LMNB1: variants seen among roughly 807,000 people sequenced by gnomAD.
LMNB1 encodes lamin B1, also known as lamin-B1.
A neutral mutation model predicts 67.1 loss-of-function variants in LMNB1; 23 were observed. That is an observed-to-expected ratio of 0.34 (90% CI 0.25 to 0.49). LMNB1 has a LOEUF of 0.49. Among genes scored for constraint, LMNB1 ranks in the 20% least tolerant of loss-of-function variants. The pLI is 0.99. For missense variants in LMNB1, 634 were observed against 746.5 expected, an observed-to-expected ratio of 0.85 and a Z score of 1.76; for synonymous variants, 281 against 282.9, an observed-to-expected ratio of 0.99 and a Z score of 0.07.
intron 1 of LMNB1, among the ~76,000 whole-genome samples, chr5:126,778,915 C>T (rs1198949018): frequency 1.3e-5 from 2 of 152,186 alleles, no homozygotes; most frequent in African/African-American, 2.4e-5. Context: ...GATACATTTG[C>T]AGACCTTTGC....
At chr5:126,803,576 T>A (rs996077662) in intron 1 of LMNB1, among the ~76,000 whole-genome samples, 4 of 144,082 alleles carry the variant, frequency 2.8e-5, no homozygotes, top group African/African-American at 1.0e-4. Flanking sequence ...ATACAAGGTC[T>A]CTCTCTGTCA....
At chr5:126,832,888 T>G in intron 10 of LMNB1, 87 bp downstream of exon 10, 1 of 810,532 alleles carries the variant, frequency 1.2e-6, no homozygotes. Flanking sequence ...GTTTTTCCCC[T>G]ATCAGTTGAT....
chr5:126,801,685 T>C (rs570125842), intron 1 of LMNB1, among the ~76,000 whole-genome samples: 2 of 152,386 alleles, frequency 1.3e-5, no homozygotes, highest in South Asian at 4.1e-4. Context: ...TTTTACAGGT[T>C]GTTCCATACA....
chr5:126,787,593 C>T (rs1750842310), intron 1 of LMNB1, among the ~76,000 whole-genome samples: 1 of 120,386 alleles, frequency 8.3e-6, no homozygotes, highest in African/African-American at 3.2e-5. Flanking sequence ...TGTTGTTGCC[C>T]AGGCTGGAGT....
chr5:126,817,812 T>A (rs1751750656), intron 5 of LMNB1, among the ~76,000 whole-genome samples: 1 of 152,174 alleles, frequency 6.6e-6, no homozygotes, highest in Admixed American at 6.5e-5. Context: ...ATGCCCTTTC[T>A]CTCCTGCTCT....
At chr5:126,805,451 A>G in intron 2 of LMNB1, 120 bp from the exon 3 acceptor site, 1 of 679,582 alleles carries the variant, frequency 1.5e-6, no homozygotes, top group Non-Finnish European at 2.4e-6. Flanking sequence ...TGAAGTAATT[A>G]TACATTGATA....
chr5:126,809,434 C>G (rs1751532026), intron 3 of LMNB1, among the ~76,000 whole-genome samples: 1 of 152,096 alleles, frequency 6.6e-6, no homozygotes, highest in Non-Finnish European at 1.5e-5. Flanking sequence ...CACCTGTAAT[C>G]CCAGCAACTT....
chr5:126,818,341 C>T (rs888615388), intron 5 of LMNB1, among the ~76,000 whole-genome samples: 3 of 150,900 alleles, frequency 2.0e-5, no homozygotes, highest in South Asian at 2.1e-4. Context: ...GGGGTTCAAG[C>T]GATTGTCCTG....
At chr5:126,820,855 A>T in intron 6 of LMNB1, 55 bp from the exon 7 acceptor site, 1 of 1,285,126 alleles carries the variant, frequency 7.8e-7, no homozygotes, top group Non-Finnish European at 1.1e-6. Flanking sequence ...TTTTTTTTTA[A>T]GGCGAGAAGG....
At chr5:126,830,572 G>C (rs1752109003) in intron 9 of LMNB1, among the ~76,000 whole-genome samples, 1 of 152,158 alleles carries the variant, frequency 6.6e-6, no homozygotes, top group African/African-American at 2.4e-5. Context: ...TAACAGCAGG[G>C]TTACACTTAA....
At chr5:126,787,441 G>A (rs1276820425) in intron 1 of LMNB1, among the ~76,000 whole-genome samples, 1 of 144,356 alleles carries the variant, frequency 6.9e-6, no homozygotes, top group Non-Finnish European at 1.5e-5. Context: ...CATCTTATAT[G>A]TATATGTTAT....
At chr5:126,814,339 GTAT>G (rs1033663215) in intron 5 of LMNB1, among the ~76,000 whole-genome samples, 1 of 151,990 alleles carries the variant, frequency 6.6e-6, no homozygotes, top group African/African-American at 2.4e-5. Context: ...TTTTCCTACT[GTAT>G]TATTATTTTT....
intron 6 of LMNB1, among the ~76,000 whole-genome samples, chr5:126,820,401 A>C (rs1456097182): frequency 6.6e-6 from 1 of 152,210 alleles, no homozygotes; most frequent in Non-Finnish European, 1.5e-5. Context: ...GTTATTTTTT[A>C]AAAAAGAAAA....
At chr5:126,836,148 A>G in intron 10 of LMNB1, 75 bp from the exon 11 acceptor site, 4 of 1,128,182 alleles carry the variant, frequency 3.5e-6, no homozygotes, top group Non-Finnish European at 4.0e-6. Context: ...CCTGTAGTTA[A>G]AAGTTTTTGT....
Position 126,822,888 on chromosome 5 carries a change from A to G in LMNB1, c.1491+3A>G. 1 of 1,516,272 alleles carries G rather than the reference A, an allele frequency of 6.6e-7. No homozygotes were observed. The highest frequency in any genetic ancestry group is 9.2e-7 in the Non-Finnish European group (1 of 1,092,312). 93.9% of individuals were successfully genotyped at this position (1,516,272 alleles called of 1,614,324 possible). On this transcript the variant is annotated splice_donor_region_variant and intron_variant, in intron 8 of 10. Transcript: ENST00000261366. Reference sequence around the variant, plus strand: ...TGAAGGCAGGCCAGACTGTTACAGTAAGTGAATCTAGTCATCATTTAATTT... The same window carrying G: ...TGAAGGCAGGCCAGACTGTTACAGTGAGTGAATCTAGTCATCATTTAATTT...
intron 1 of LMNB1, among the ~76,000 whole-genome samples, chr5:126,802,836 A>C (rs1033705429): frequency 3.3e-5 from 5 of 152,178 alleles, no homozygotes; most frequent in African/African-American, 1.2e-4. Context: ...TTATTGGGCA[A>C]AATATATCCA....
chr5:126,799,459 G>C (rs910450051), intron 1 of LMNB1, among the ~76,000 whole-genome samples: 1 of 152,226 alleles, frequency 6.6e-6, no homozygotes, highest in African/African-American at 2.4e-5. Flanking sequence ...TCCCAGTGCA[G>C]GTAGCCCCAC....
intron 1 of LMNB1, among the ~76,000 whole-genome samples, chr5:126,791,481 A>T (rs1750956230): frequency 6.6e-6 from 1 of 151,954 alleles, no homozygotes; most frequent in African/African-American, 2.4e-5. Context: ...TTTTTTAAAG[A>T]TAGGGTCTTA....
intron 3 of LMNB1, among the ~76,000 whole-genome samples, chr5:126,806,908 G>T (rs1321712868): frequency 6.6e-6 from 1 of 152,008 alleles, no homozygotes; most frequent in Non-Finnish European, 1.5e-5. Flanking sequence ...CCCCCTAGTA[G>T]CTGGGACTAC....
Sources: allele counts gnomAD v4.1 joint callset (sites outside exome capture counted in the v4.1 genomes callset), GRCh38; gene constraint gnomAD v4.1.1; transcripts MANE v1.5; gene names NCBI Gene and HGNC (gene_info 2026-07-23, HGNC 2026-07-21).